SLC13A1: variants seen among roughly 807,000 people sequenced by gnomAD.
SLC13A1 encodes Na(+)/sulfate cotransporter.
Under a neutral mutation model 70.0 loss-of-function variants are expected in SLC13A1, and 65 were observed. The observed-to-expected ratio is 0.93, with a 90% CI of 0.76 to 1.14. SLC13A1 has a LOEUF of 1.14. SLC13A1 is among the 50% of genes most tolerant of loss of function. SLC13A1 has a pLI of 0.00. For synonymous variants in SLC13A1, 275 were observed against 250.5 expected (o/e 1.10, Z -0.92); for missense variants, 726 against 717.8 (o/e 1.01, Z -0.13).
intron 7 of SLC13A1, among the ~76,000 whole-genome samples, chr7:123,140,913 A>G (rs1794113992): frequency 6.6e-6 from 1 of 151,922 alleles, no homozygotes; most frequent in Non-Finnish European, 1.5e-5. Context: ...CTTTATTTCA[A>G]TTTAACTTAA....
Position 123,128,834 on chromosome 7 carries a change from G to C in SLC13A1, c.1133+11C>G. 2.5e-6 allele frequency: 4 copies of C among 1,583,510 alleles called. No homozygotes were observed. The highest frequency in any genetic ancestry group is 3.5e-6 in the Non-Finnish European group (4 of 1,153,070). ...CAGGAAGGGCTGACAAACATAACGT[G>C]CAAAGCTTACTCTGAAAAAAGTGCA... On this transcript the variant is annotated intron_variant, in intron 10 of 14. Transcript: ENST00000194130.
chr7:123,184,805 C>T (rs1269470540), intron 1 of SLC13A1, among the ~76,000 whole-genome samples: 1 of 152,028 alleles, frequency 6.6e-6, no homozygotes. Flanking sequence ...ATCTCCTCAA[C>T]ATACTGATTT....
chr7:123,183,422 C>G (rs530766686), intron 1 of SLC13A1, among the ~76,000 whole-genome samples: 68 of 152,254 alleles, frequency 4.5e-4, no homozygotes, highest in African/African-American at 1.6e-3. Flanking sequence ...TGTATTTTTT[C>G]AGTTCTATAC....
rs141955350 is a variant in SLC13A1, at chr7:123,140,364, A to G, written c.813-5835T>C. 3.6e-3 allele frequency among the ~76,000 whole-genome samples: 553 copies of G among 152,172 alleles called. 1 individual carries two copies. The highest frequency in any genetic ancestry group is 6.7e-3 in the Non-Finnish European group (456 of 67,944). On this transcript the variant is annotated intron_variant, in intron 7 of 14. Coordinates refer to ENST00000194130, the MANE Select transcript of SLC13A1 (RefSeq NM_022444.4). ...TATTTTGTTGAGGATTTTTGCATCA[A>G]TATTCATAAGGGATATTTCTCTGTA...
At chr7:123,120,229 T>C (rs1403202773) in intron 12 of SLC13A1, among the ~76,000 whole-genome samples, 1 of 152,106 alleles carries the variant, frequency 6.6e-6, no homozygotes, top group Non-Finnish European at 1.5e-5. Context: ...TTTAATCTAC[T>C]CTTTTGCATT....
chr7:123,121,843 T>C (rs1793391992), intron 12 of SLC13A1, among the ~76,000 whole-genome samples: 1 of 152,122 alleles, frequency 6.6e-6, no homozygotes, highest in East Asian at 1.9e-4. Flanking sequence ...TGAAAATTAA[T>C]TGCCTCCAAA....
At chr7:123,173,447 A>G (rs1235721013) in intron 2 of SLC13A1, among the ~76,000 whole-genome samples, 3 of 152,188 alleles carry the variant, frequency 2.0e-5, no homozygotes, top group Non-Finnish European at 4.4e-5. Flanking sequence ...TTTATTACTC[A>G]TTGAAAAATT....
At chr7:123,118,385 AAC>A (rs1182728524) in intron 13 of SLC13A1, among the ~76,000 whole-genome samples, 1 of 152,206 alleles carries the variant, frequency 6.6e-6, no homozygotes, top group African/African-American at 2.4e-5. Context: ...TATGAACACC[AAC>A]ATATGCCCTT....
At chr7:123,161,736 A>G (rs1025470018) in intron 6 of SLC13A1, among the ~76,000 whole-genome samples, 8 of 152,164 alleles carry the variant, frequency 5.3e-5, no homozygotes, top group South Asian at 2.1e-4. Context: ...CGACCAATCC[A>G]TACCTTAACT....
intron 7 of SLC13A1, among the ~76,000 whole-genome samples, chr7:123,135,197 A>G (rs969656974): frequency 7.9e-5 from 12 of 152,326 alleles, no homozygotes; most frequent in Non-Finnish European, 1.5e-4. Flanking sequence ...TGAAGAAATC[A>G]ACAACTTTTC....
chr7:123,182,913 C>A (rs1322598475), intron 1 of SLC13A1, among the ~76,000 whole-genome samples: 2 of 152,098 alleles, frequency 1.3e-5, no homozygotes, highest in Admixed American at 1.3e-4. Context: ...CCTCATTTTG[C>A]ATTCAAACCC....
At chr7:123,145,902 T>C (rs1337992703) in intron 7 of SLC13A1, among the ~76,000 whole-genome samples, 1 of 152,154 alleles carries the variant, frequency 6.6e-6, no homozygotes, top group African/African-American at 2.4e-5. Flanking sequence ...TTCAGAAAAT[T>C]CATAGAGTCT....
intron 2 of SLC13A1, 115 bp downstream of exon 2, chr7:123,180,858 G>T: frequency 9.2e-7 from 1 of 1,082,112 alleles, no homozygotes; most frequent in Non-Finnish European, 1.3e-6. Flanking sequence ...AAGTTTGGGG[G>T]ACTTATGTGG....
chr7:123,122,073 C>A (rs1251469382), intron 12 of SLC13A1, among the ~76,000 whole-genome samples: 1 of 152,080 alleles, frequency 6.6e-6, no homozygotes, highest in East Asian at 1.9e-4. Flanking sequence ...CACACCTTTT[C>A]GTTTCCTCAG....
chr7:123,190,413 G>T (rs1188479379), intron 1 of SLC13A1: 12 of 353,262 alleles, frequency 3.4e-5, no homozygotes, highest in South Asian at 2.4e-4. Context: ...ACTCTTTCCA[G>T]AATTGTTTAA....
chr7:123,171,449 A>C lies in SLC13A1; in HGVS notation c.365+319T>G, dbSNP rs538958300. On this transcript the variant is annotated intron_variant, in intron 3 of 14. Transcript: ENST00000194130. Reference sequence around the variant, plus strand: ...AATAAACAAGATCGGAGGAAAATCTACTCTGAAGTCTATCAATCTTGTCTG... The same window carrying C: ...AATAAACAAGATCGGAGGAAAATCTCCTCTGAAGTCTATCAATCTTGTCTG... Among the ~76,000 whole-genome samples, 4 of 152,236 alleles carry C rather than the reference A, an allele frequency of 2.6e-5. No homozygotes were observed. In the South Asian group the frequency reaches 8.3e-4, roughly 32 times the overall value.
chr7:123,144,808 G>A (rs1321880837), intron 7 of SLC13A1, among the ~76,000 whole-genome samples: 1 of 152,042 alleles, frequency 6.6e-6, no homozygotes, highest in East Asian at 1.9e-4. Context: ...TGCAACTTAT[G>A]CCCCACTGCA....
At chr7:123,131,853 C>T (rs1314206142) in intron 8 of SLC13A1, among the ~76,000 whole-genome samples, 1 of 152,074 alleles carries the variant, frequency 6.6e-6, no homozygotes, top group Non-Finnish European at 1.5e-5. Context: ...GGATTTTTTT[C>T]CTCATTAAGA....
intron 6 of SLC13A1, 122 bp downstream of exon 6, chr7:123,168,252 A>G: frequency 1.6e-6 from 1 of 638,892 alleles, no homozygotes; most frequent in Middle Eastern, 4.3e-4. Context: ...GCTACTGCTT[A>G]GTCAAGCAAA....
Sources: gnomAD v4.1 joint callset for allele counts (sites outside exome capture counted in the v4.1 genomes callset) on GRCh38, gnomAD v4.1.1 for gene constraint, MANE v1.5 for transcripts, NCBI Gene and HGNC (gene_info 2026-07-23, HGNC 2026-07-21) for gene names.